The following FSCN2 variants were observed in gnomAD, a reference collection of about 807,000 sequenced individuals.
The protein encoded by FSCN2 is fascin-2.
In FSCN2, 46 loss-of-function variants were observed where a neutral mutation model predicts 37.8. That is an observed-to-expected ratio of 1.22 (90% CI 0.96 to 1.56). The LOEUF (loss-of-function observed/expected upper bound fraction) is 1.56. FSCN2 is among the 40% of genes most tolerant of loss of function. The probability of loss-of-function intolerance (pLI) is 0.00; values close to 1 mark genes in which losing one functional copy is unlikely to be tolerated. For missense variants in FSCN2, 844 were observed against 730.4 expected (o/e 1.16, Z -1.79); for synonymous variants, 351 against 309.4 (o/e 1.13, Z -1.41).
chr17:81,537,044 C>G lies in FSCN2; in HGVS notation c.1443C>G (p.Ala481=), dbSNP rs1420322632. 6.1e-6 allele frequency: 9 copies of G among 1,475,106 alleles called. No individual in the cohort carries two copies. The highest frequency in any genetic ancestry group is 2.5e-5 in the Admixed American group (1 of 39,852). The allele number at this position is 1,475,106 out of a possible 1,614,324, so 91.4% of individuals were successfully genotyped here. ...GGASGLLRAD[A]DAPAGTALWE... ...CCTCGGGCCTGCTGCGGGCCGATGC[C>G]GACGCCCCGGCCGGGACCGCGCTTT... The change falls in exon 5 of 5, where the codon GCC becomes GCG. Residue 481 remains alanine, a synonymous_variant. Transcript: ENST00000417245.
At chr17:81,518,181 C>A in the FSCN2 span, among the ~76,000 whole-genome samples, 47 of 152,304 alleles carry the variant, frequency 3.1e-4, no homozygotes, top group East Asian at 5.4e-3. Flanking sequence ...CTGGCTGTTC[C>A]TTTGCCCCCA....
chr17:81,521,309 C>G, the FSCN2 span, among the ~76,000 whole-genome samples: 1 of 151,810 alleles, frequency 6.6e-6, no homozygotes, highest in Non-Finnish European at 1.5e-5. Flanking sequence ...CTCAGGTGAT[C>G]CACCCGCCTT....
upstream of FSCN2, among the ~76,000 whole-genome samples, chr17:81,524,955 G>C (rs1343279799): frequency 1.3e-5 from 2 of 150,574 alleles, no homozygotes; most frequent in Admixed American, 1.3e-4. Flanking sequence ...TGCACCCATG[G>C]GCAGAGGCTC....
chr17:81,534,729 C>A (rs910707875), intron 1 of FSCN2, among the ~76,000 whole-genome samples: 2 of 151,788 alleles, frequency 1.3e-5, no homozygotes, highest in Non-Finnish European at 2.9e-5. Context: ...AGCCCTGGGT[C>A]AAGAGAGCAG....
At chr17:81,530,534 C>T (rs369429773) in intron 1 of FSCN2, 5 of 462,908 alleles carry the variant, frequency 1.1e-5, no homozygotes, top group East Asian at 7.1e-5. Flanking sequence ...TCTGAAAAGG[C>T]GAGGTGGGGA....
At chr17:81,531,246 ATGGTGATGG>A (rs1568076910) in intron 1 of FSCN2, among the ~76,000 whole-genome samples, 6 of 29,706 alleles carry the variant, frequency 2.0e-4, no homozygotes, top group East Asian at 1.2e-3. Flanking sequence ...GGTGGTGATG[ATGGTGATGG>A]TGATGATGGT....
At chr17:81,531,142 C>T (rs967738623) in intron 1 of FSCN2, among the ~76,000 whole-genome samples, 5 of 125,284 alleles carry the variant, frequency 4.0e-5, no homozygotes, top group East Asian at 2.2e-4. Flanking sequence ...GTGGCAGCAG[C>T]GACAATGATG....
intron 1 of FSCN2, among the ~76,000 whole-genome samples, chr17:81,531,635 G>GATA: frequency 1.4e-5 from 2 of 146,120 alleles, no homozygotes; most frequent in African/African-American, 5.2e-5. Context: ...TGGTGGTGAT[G>GATA]GTGGTGGTGG....
Position 81,529,170 on chromosome 17 carries a change from G to C in FSCN2, c.639G>C (p.Glu213Asp). Reference protein sequence around the residue: ...EPEPRACYTLEFKAGKLAFKD... With the variant: ...EPEPRACYTLDFKAGKLAFKD... The stretch of plus-strand genomic sequence containing the variant: ...AGCCCCGTGCCTGCTACACGCTGGA[G>C]TTCAAGGCGGGCAAGCTGGCCTTCA... The change falls in exon 1 of 5, where the codon GAG becomes GAC. Residue 213 changes from glutamate to aspartate, a missense_variant. Glu to Asp is a conservative substitution (Grantham distance 45, BLOSUM62 2). Coordinates refer to ENST00000417245, the MANE Select transcript of FSCN2 (RefSeq NM_012418.4). The C allele has an allele frequency of 1.9e-6, 3 of 1,590,908 alleles. No individual in the cohort carries two copies. Among genetic ancestry groups the C allele is most frequent in the Non-Finnish European group, 2.6e-6 (3 of 1,170,142 alleles).
At position 81,529,179 on chromosome 17, in the gene FSCN2, G is replaced by A. The variant is rs782641413; in HGVS notation, c.648G>A (p.Ala216=). 1.7e-5 allele frequency: 27 copies of A among 1,592,984 alleles called. No homozygotes were observed. Among genetic ancestry groups the A allele is most frequent in the South Asian group, 1.0e-4 (9 of 87,718 alleles). The change falls in exon 1 of 5, where the codon GCG becomes GCA. Residue 216 remains alanine (A), a synonymous_variant. Coordinates refer to ENST00000417245, the MANE Select transcript of FSCN2 (RefSeq NM_012418.4). ...CCTGCTACACGCTGGAGTTCAAGGC[G>A]GGCAAGCTGGCCTTCAAGGACTGCG... ...PRACYTLEFK[A]GKLAFKDCDG...
At chr17:81,532,174 T>C (rs1598575693) in intron 1 of FSCN2, among the ~76,000 whole-genome samples, 1 of 131,022 alleles carries the variant, frequency 7.6e-6, no homozygotes, top group African/African-American at 4.0e-5. Context: ...GTGATGGTGG[T>C]GGTGATGGTG....
Position 81,536,665 on chromosome 17 carries a change from C to T in FSCN2, c.1149C>T (p.Ile383=), listed in dbSNP as rs371446245. Residue 383 remains isoleucine, a synonymous_variant, in exon 4 of 5, where the codon ATC becomes ATT. Coordinates refer to ENST00000417245, the MANE Select transcript of FSCN2 (RefSeq NM_012418.4). ...EFTLKLINRP[I]LVLRGLDGFV... is the part of the protein sequence containing the mutation. Reference sequence around the variant, plus strand: ...CCCTCAAGCTCATCAACCGGCCCATCCTGGTGCTGCGCGGCCTGGACGGCT... The same window carrying T: ...CCCTCAAGCTCATCAACCGGCCCATTCTGGTGCTGCGCGGCCTGGACGGCT... 4 of 1,611,146 alleles carry T rather than the reference C, an allele frequency of 2.5e-6. No homozygotes were observed. The highest frequency in any genetic ancestry group is 1.7e-5 in the Admixed American group (1 of 59,926).
Position 81,528,698 on chromosome 17 carries a change from C to T in FSCN2, c.167C>T (p.Thr56Met), listed in dbSNP as rs374436472. Residue 56 changes from threonine (T) to methionine (M), a missense_variant, in exon 1 of 5, where the codon ACG (threonine) becomes ATG (methionine). Physicochemically the swap from Thr to Met is moderately conservative, Grantham distance 81 (BLOSUM62 -1). Transcript: ENST00000417245. ...CTGGAACCCGACCCAGGACAAGGCA[C>T]GGCTGTGCTGCTCCGCAGCAGCCAC... Reference protein sequence around the residue: ...WVLEPDPGQGTAVLLRSSHLG... With the variant: ...WVLEPDPGQGMAVLLRSSHLG... 172 of 1,600,720 alleles carry T rather than the reference C, an allele frequency of 1.1e-4. No individual in the cohort carries two copies. Among genetic ancestry groups the T allele is most frequent in the African/African-American group, 1.7e-4 (13 of 74,718 alleles).
upstream of FSCN2, among the ~76,000 whole-genome samples, chr17:81,525,425 C>CAAAAA (rs1202765459): frequency 1.3e-4 from 6 of 47,856 alleles, no homozygotes; most frequent in South Asian, 6.9e-4. Context: ...GACTCTGTCT[C>CAAAAA]AAAAAAAAAA....
intron 1 of FSCN2, among the ~76,000 whole-genome samples, chr17:81,531,372 GTGGTGATGGTGGTGA>G (rs2032574219): frequency 1.3e-4 from 9 of 66,730 alleles, no homozygotes; most frequent in African/African-American, 2.3e-4. Context: ...GATGATGGTG[GTGGTGATGGTGGTGA>G]TGGTGATGAT....
At chr17:81,526,974 G>A, upstream of FSCN2, 1 of 152,388 alleles carries the variant, frequency 6.6e-6, no homozygotes, top group Non-Finnish European at 1.5e-5. Context: ...TTTGCATGTG[G>A]GAGTCTCTCT....
At chr17:81,519,428 C>G in the FSCN2 span, among the ~76,000 whole-genome samples, 1 of 152,202 alleles carries the variant, frequency 6.6e-6, no homozygotes, top group African/African-American at 2.4e-5. Flanking sequence ...GGACCACGAG[C>G]TCGGAGGCCT....
At chr17:81,515,589 A>C in the FSCN2 span, among the ~76,000 whole-genome samples, 1 of 152,208 alleles carries the variant, frequency 6.6e-6, no homozygotes, top group Admixed American at 6.5e-5. Context: ...GGCAGAGCTG[A>C]GGCTTAACCC....
the FSCN2 span, among the ~76,000 whole-genome samples, chr17:81,517,010 C>T: frequency 3.5e-4 from 53 of 152,254 alleles, 1 homozygote; most frequent in South Asian, 0.011. Flanking sequence ...GAGGCAGTCT[C>T]CTGGGTCAGG....
Sources: allele counts gnomAD v4.1 joint callset (sites outside exome capture counted in the v4.1 genomes callset), GRCh38; gene constraint gnomAD v4.1.1; transcripts MANE v1.5; gene names NCBI Gene and HGNC (gene_info 2026-07-23, HGNC 2026-07-21).